Variants in THRAP3 observed in about 807,000 individuals in gnomAD.
The protein encoded by THRAP3 is thyroid hormone receptor-associated protein 3.
In THRAP3, 16 loss-of-function variants were observed where a neutral mutation model predicts 101.0. The observed-to-expected ratio is 0.16, with a 90% CI of 0.11 to 0.24. The LOEUF is 0.24. THRAP3 is among the 10% of genes least tolerant of loss of function. The probability of loss-of-function intolerance (pLI) is 1.00; values close to 1 mark genes in which losing one functional copy is unlikely to be tolerated. For synonymous variants in THRAP3, 407 were observed against 422.6 expected, an observed-to-expected ratio of 0.96 and a Z score of 0.45; for missense variants, 989 against 1,202.7, an observed-to-expected ratio of 0.82 and a Z score of 2.63.
Position 36,224,480 on chromosome 1 carries a change from A to T in THRAP3, c.-160A>T, listed in dbSNP as rs1304238435. 6.6e-6 allele frequency: 1 copy of T among 152,600 alleles called. No individual in the cohort carries two copies. The highest frequency in any genetic ancestry group is 1.5e-5 in the Non-Finnish European group (1 of 68,236). The allele number at this position is 152,600 out of a possible 1,614,324, so 9.5% of individuals were successfully genotyped here. A position where few individuals can be genotyped will look rare whatever the true frequency, so the allele number is the denominator to read the frequency against. On this transcript the variant is annotated 5_prime_UTR_variant, in exon 1 of 12. Transcript: ENST00000354618. ...GGCTGGTTGTTCCGTTGCGAGCTGCAGCTGCGATCTCTGTGGTAGGCCCAG... is the reference window on the plus strand; with the variant it reads ...GGCTGGTTGTTCCGTTGCGAGCTGCTGCTGCGATCTCTGTGGTAGGCCCAG...
chr1:36,232,830 C>T (rs947257680), intron 1 of THRAP3, among the ~76,000 whole-genome samples: 11 of 149,972 alleles, frequency 7.3e-5, no homozygotes, highest in African/African-American at 2.2e-4. Flanking sequence ...CTGTTTTGGT[C>T]GTGGTGGTGG....
chr1:36,249,613 T>G lies in THRAP3; in HGVS notation c.-134-9769T>G, dbSNP rs568693517. 1.1e-4 allele frequency among the ~76,000 whole-genome samples: 17 copies of G among 151,892 alleles called. No homozygotes were observed. In the South Asian group the frequency reaches 3.1e-3, roughly 28 times the overall value. The stretch of plus-strand genomic sequence containing the variant: ...TGCTCACTGACTCCTTCTGGAGAAT[T>G]AGGGGAAGGTTTTACAAGAATTTAC... On this transcript the variant is annotated intron_variant, in intron 1 of 11. Coordinates refer to ENST00000354618, the MANE Select transcript of THRAP3 (RefSeq NM_005119.4).
At chr1:36,224,852 T>G (rs1644942739) in intron 1 of THRAP3, 1 of 152,408 alleles carries the variant, frequency 6.6e-6, no homozygotes, top group Non-Finnish European at 1.5e-5. Context: ...GGATTTCTTT[T>G]CCCGGAACTC....
In THRAP3 at chr1:36,263,346, C is replaced by T. The variant is rs1238024879; in HGVS notation, c.-32+3862C>T. 7.2e-5 allele frequency among the ~76,000 whole-genome samples: 11 copies of T among 152,234 alleles called. No individual in the cohort carries two copies. The East Asian group carries it at 1.5e-3, about 21-fold the overall frequency. On this transcript the variant is annotated intron_variant, in intron 2 of 11. Coordinates refer to ENST00000354618, the MANE Select transcript of THRAP3 (RefSeq NM_005119.4). ...AACTCTTGGGCTCAAGTGATCCACC[C>T]GCCTTGGCCTCTCAAAGTGCTAGGA...
intron 5 of THRAP3, among the ~76,000 whole-genome samples, chr1:36,290,578 G>A (rs138589153): frequency 1.7e-3 from 252 of 152,260 alleles, no homozygotes; most frequent in African/African-American, 5.8e-3. Flanking sequence ...CGATTCTCCT[G>A]CCTTAGCCTC....
Position 36,286,248 on chromosome 1 carries a change from T to C in THRAP3, c.138-120T>C. 4.8e-6 allele frequency: 5 copies of C among 1,045,422 alleles called. No individual in the cohort carries two copies. The highest frequency in any genetic ancestry group is 7.0e-6 in the Non-Finnish European group (5 of 719,166). 64.8% of individuals were successfully genotyped at this position (1,045,422 alleles called of 1,614,324 possible). A position where few individuals can be genotyped will look rare whatever the true frequency, so the allele number is the denominator to read the frequency against. On this transcript the variant is annotated intron_variant, in intron 3 of 11. Coordinates refer to ENST00000354618, the MANE Select transcript of THRAP3 (RefSeq NM_005119.4). The surrounding 1 kb of genome is among the most constrained non-coding windows in gnomAD (Gnocchi z 5.5). The stretch of plus-strand genomic sequence containing the variant: ...TGGGATTAAATATTTGTGCCCTTGC[T>C]TTGAAAACAAAACTGAAAGTGAATG...
In THRAP3 at chr1:36,289,658, A is replaced by G; in HGVS notation, c.1639A>G (p.Lys547Glu). The change falls in exon 5 of 12, where the codon AAG (lysine) becomes GAG (glutamate). Residue 547 changes from lysine to glutamate, a missense_variant. Coordinates refer to ENST00000354618, the MANE Select transcript of THRAP3 (RefSeq NM_005119.4). ...AAGAAAGACCTCTGAGAGCCGAGAC[A>G]AGCTGGGAGCGAAAGGAGATTTTCC... ...PPRKTSESRD[K>E]LGAKGDFPTG... 1 of 1,614,216 alleles carries G rather than the reference A, an allele frequency of 6.2e-7. No individual in the cohort carries two copies.
At chr1:36,264,572 C>CT (rs1177945251) in intron 2 of THRAP3, among the ~76,000 whole-genome samples, 3 of 152,218 alleles carry the variant, frequency 2.0e-5, no homozygotes, top group African/African-American at 7.2e-5. Context: ...TAACACCCAC[C>CT]TTAGTGCCCC....
intron 1 of THRAP3, among the ~76,000 whole-genome samples, chr1:36,228,483 A>G (rs2124332625): frequency 6.6e-6 from 1 of 152,254 alleles, no homozygotes; most frequent in East Asian, 1.9e-4. Context: ...TGGCCTCCCA[A>G]AGTGTCGGGA....
rs573388744 is a variant in THRAP3, at chr1:36,284,326, C to T, written c.137+1626C>T. 7.2e-5 allele frequency among the ~76,000 whole-genome samples: 11 copies of T among 152,334 alleles called. No homozygotes were observed. In the East Asian group the frequency reaches 1.9e-3, roughly 27 times the overall value. ...CTGGGGTAGGTCTAGAGACACTTTA[C>T]ATGCTATCATATACCTAGAAGAGAC... On this transcript the variant is annotated intron_variant, in intron 3 of 11. Transcript: ENST00000354618.
intron 2 of THRAP3, 63 bp from the exon 3 acceptor site, chr1:36,282,470 C>A (rs572535716): frequency 1.7e-6 from 2 of 1,199,772 alleles, no homozygotes; most frequent in East Asian, 2.5e-5. Context: ...TCTAAAATGT[C>A]CAAAGAGGTT....
At chr1:36,233,420 G>A (rs968574998) in intron 1 of THRAP3, among the ~76,000 whole-genome samples, 3 of 151,252 alleles carry the variant, frequency 2.0e-5, no homozygotes, top group African/African-American at 7.3e-5. Context: ...GCAAGAGAAT[G>A]GCATGAACCT....
intron 4 of THRAP3, chr1:36,287,979 C>T (rs1645817052): frequency 1.0e-6 from 1 of 959,518 alleles, no homozygotes; most frequent in African/African-American, 1.8e-5. Flanking sequence ...GGGACTAACC[C>T]AGCAAGTGGC....
Position 36,272,593 on chromosome 1 carries a change from A to T in THRAP3, c.-31-9940A>T, listed in dbSNP as rs185452569. Among the ~76,000 whole-genome samples, 9 of 152,352 alleles carry T rather than the reference A, an allele frequency of 5.9e-5. No homozygotes were observed. The East Asian group carries it at 1.7e-3, about 29-fold the overall frequency. ...CTCCCATAACTGTCCAGAGGCATTC[A>T]GAACGCAAGTCAGGCCCACCCCACT... On this transcript the variant is annotated intron_variant, in intron 2 of 11. Transcript: ENST00000354618.
intron 2 of THRAP3, among the ~76,000 whole-genome samples, chr1:36,261,271 G>A (rs1420668426): frequency 6.6e-6 from 1 of 151,906 alleles, no homozygotes. Context: ...GGTGGCTCAC[G>A]CCTGTAATCC....
chr1:36,235,703 A>G (rs1645077573), intron 1 of THRAP3, among the ~76,000 whole-genome samples: 2 of 152,200 alleles, frequency 1.3e-5, no homozygotes, highest in Non-Finnish European at 1.5e-5. Flanking sequence ...AACACTATGT[A>G]CTTCAAGGAA....
chr1:36,221,489 C>T (rs1188963186), upstream of THRAP3, among the ~76,000 whole-genome samples: 1 of 152,110 alleles, frequency 6.6e-6, no homozygotes, highest in African/African-American at 2.4e-5. Flanking sequence ...CACATCCACC[C>T]CAACCTTCAG....
intron 1 of THRAP3, among the ~76,000 whole-genome samples, chr1:36,235,276 ATAT>A (rs1329835979): frequency 1.3e-5 from 2 of 152,154 alleles, no homozygotes; most frequent in African/African-American, 2.4e-5. Flanking sequence ...ATAGATAATA[ATAT>A]TATTGTATAT....
chr1:36,241,383 GTGTATATATATATATATATA>G lies in THRAP3; in HGVS notation c.-135+16880_-135+16899del, dbSNP rs143289604. Among the ~76,000 whole-genome samples, 435 of 132,026 alleles carry G rather than the reference GTGTATATATATATATATATA, an allele frequency of 3.3e-3. 7 individuals are homozygous for G. Among genetic ancestry groups the G allele is most frequent in the South Asian group, 7.1e-3 (31 of 4,348 alleles). 86.6% of individuals were successfully genotyped at this position (132,026 alleles called of 152,430 possible). ...TTCCCATTATCTGAAATGATAATGG[GTGTATATATATATATATATA>G]TATATATATATATATATATATATAT... On this transcript the variant is annotated intron_variant, in intron 1 of 11. Coordinates refer to ENST00000354618, the MANE Select transcript of THRAP3 (RefSeq NM_005119.4).
Sources: gnomAD v4.1 joint callset for allele counts (sites outside exome capture counted in the v4.1 genomes callset) on GRCh38, gnomAD v4.1.1 for gene constraint, Gnocchi (gnomAD v3.1) non-coding constraint, MANE v1.5 for transcripts, NCBI Gene and HGNC (gene_info 2026-07-23, HGNC 2026-07-21) for gene names.